SYNE2: variants seen among roughly 807,000 people sequenced by gnomAD.
SYNE2 encodes spectrin repeat containing nuclear envelope protein 2.
SYNE2 carries 431 observed loss-of-function variants against 856.3 expected under a neutral mutation model. The ratio of observed to expected loss-of-function variants is 0.50; its 90% CI spans 0.47 to 0.55. The LOEUF (loss-of-function observed/expected upper bound fraction) is 0.55, where lower values mean the gene tolerates loss of function less well. Ranked by LOEUF, SYNE2 falls within the 20% of genes least tolerant of loss-of-function variation. The pLI is 0.00. For missense variants in SYNE2, 8,129 were observed against 8,023.2 expected (o/e 1.01, Z -0.50); for synonymous variants, 2,923 against 2,872.3 (o/e 1.02, Z -0.56).
intron 34 of SYNE2, among the ~76,000 whole-genome samples, chr14:64,019,646 T>C (rs2153530970): frequency 6.6e-6 from 1 of 151,598 alleles, no homozygotes; most frequent in Admixed American, 6.6e-5. Context: ...TGTGTGTCCG[T>C]GTGTGTGTGT....
At position 64,021,972 on chromosome 14, in the gene SYNE2, A is replaced by T; in HGVS notation, c.5468A>T (p.Asp1823Val). The T allele has an allele frequency of 6.2e-7, 1 of 1,613,868 alleles. No individual in the cohort carries two copies. Among genetic ancestry groups the T allele is most frequent in the Non-Finnish European group, 8.5e-7 (1 of 1,179,864 alleles). The change falls in exon 37 of 116, where the codon GAT becomes GTT. Residue 1823 changes from aspartate (D) to valine (V), a missense_variant. Coordinates refer to ENST00000555002, the MANE Select transcript of SYNE2 (RefSeq NM_182914.3). ...ELKKQYESVS[D>V]LFNTKKSVLQ... ...AAAAAGCAATATGAAAGTGTCAGTGATTTATTTAATACCAAAAAAAGTGTT... is the reference window on the plus strand; with the variant it reads ...AAAAAGCAATATGAAAGTGTCAGTGTTTTATTTAATACCAAAAAAAGTGTT...
intron 108 of SYNE2, among the ~76,000 whole-genome samples, chr14:64,216,921 T>C (rs1049123775): frequency 1.1e-4 from 17 of 152,302 alleles, no homozygotes; most frequent in Middle Eastern, 3.4e-3. Flanking sequence ...GATGGGGGTT[T>C]CACCATGTTG....
At chr14:63,824,638 C>CA (rs34659476) in intron 1 of SYNE2, among the ~76,000 whole-genome samples, 66,869 of 129,428 alleles carry the variant, frequency 0.52, 16,271 homozygotes, top group South Asian at 0.62. Context: ...GAATCTGTCT[C>CA]AAAAAAAAAA....
rs115877145 is a variant in SYNE2 at position 63,974,520 on chromosome 14, A to G, written c.1129-2043A>G. ...AACTTAAACATGAGATTCAGAGGAGATAAACATTCAAACTGTACAGCAGTA... is the reference window on the plus strand; with the variant it reads ...AACTTAAACATGAGATTCAGAGGAGGTAAACATTCAAACTGTACAGCAGTA... On this transcript the variant is annotated intron_variant, in intron 11 of 115. Coordinates refer to ENST00000555002, the MANE Select transcript of SYNE2 (RefSeq NM_182914.3). Among the ~76,000 whole-genome samples, 1,504 of 152,180 alleles carry G rather than the reference A, an allele frequency of 9.9e-3. 29 individuals are homozygous for G. Among genetic ancestry groups the G allele is most frequent in the African/African-American group, 0.034 (1,420 of 41,512 alleles).
intron 76 of SYNE2, among the ~76,000 whole-genome samples, chr14:64,131,085 A>C (rs1305629505): frequency 6.6e-6 from 1 of 152,202 alleles, no homozygotes; most frequent in African/African-American, 2.4e-5. Context: ...TTCCTACCTG[A>C]GGTAAGCTTA....
Position 63,991,043 on chromosome 14 carries a change from A to G in SYNE2, c.2574A>G (p.Glu858=), listed in dbSNP as rs754759946. ...LKMEESQKEL[E]SYMMRAQQLL... is the part of the protein sequence containing the mutation. The stretch of plus-strand genomic sequence containing the variant: ...TGGAAGAATCCCAGAAGGAACTTGA[A>G]TCATATATGATGAGGGCTCAGCAGT... The change falls in exon 21 of 116, where the codon GAA becomes GAG. Residue 858 remains glutamate (E), a synonymous_variant. Coordinates refer to ENST00000555002, the MANE Select transcript of SYNE2 (RefSeq NM_182914.3). 6.2e-7 allele frequency: 1 copy of G among 1,614,192 alleles called. No individual in the cohort carries two copies. Among genetic ancestry groups the G allele is most frequent in the Non-Finnish European group, 8.5e-7 (1 of 1,180,022 alleles).
At chr14:64,018,503 A>G (rs371778539) in intron 34 of SYNE2, among the ~76,000 whole-genome samples, 7 of 152,324 alleles carry the variant, frequency 4.6e-5, no homozygotes, top group Admixed American at 6.5e-5. Flanking sequence ...CGGCCTCCCA[A>G]AATGCTGGGA....
intron 21 of SYNE2, among the ~76,000 whole-genome samples, chr14:63,991,397 G>T (rs1048589640): frequency 6.6e-6 from 1 of 152,010 alleles, no homozygotes; most frequent in African/African-American, 2.4e-5. Flanking sequence ...AATTTCTCTG[G>T]CTTTTTAATT....
At chr14:63,906,426 T>C (rs2095410258) in intron 1 of SYNE2, among the ~76,000 whole-genome samples, 1 of 152,178 alleles carries the variant, frequency 6.6e-6, no homozygotes, top group Admixed American at 6.5e-5. Flanking sequence ...TGTGAATCCA[T>C]CTGGTCCAGA....
intron 51 of SYNE2, among the ~76,000 whole-genome samples, chr14:64,066,724 G>A (rs953206127): frequency 6.6e-6 from 1 of 152,174 alleles, no homozygotes; most frequent in African/African-American, 2.4e-5. Context: ...GTCCATAGTG[G>A]TACCATTTAT....
intron 1 of SYNE2, among the ~76,000 whole-genome samples, chr14:63,796,413 C>T (rs953743426): frequency 2.0e-5 from 3 of 151,924 alleles, no homozygotes; most frequent in East Asian, 3.9e-4. Flanking sequence ...GACGAGATCT[C>T]GCCGCTGCAC....
intron 1 of SYNE2, among the ~76,000 whole-genome samples, chr14:63,824,666 A>T (rs926987813): frequency 1.6e-4 from 24 of 150,834 alleles, no homozygotes; most frequent in Non-Finnish European, 1.2e-4. Context: ...TAATTAAAAG[A>T]GTGTAATTGG....
Position 64,002,978 on chromosome 14 carries a change from G to A in SYNE2, c.4045G>A (p.Asp1349Asn). 1.2e-6 allele frequency: 2 copies of A among 1,614,192 alleles called. No individual in the cohort carries two copies. Among genetic ancestry groups the A allele is most frequent in the Non-Finnish European group, 1.7e-6 (2 of 1,180,030 alleles). The change falls in exon 30 of 116, where the codon GAT becomes AAT. Residue 1349 changes from aspartate (D) to asparagine (N), a missense_variant. Transcript: ENST00000555002. Reference sequence around the variant, plus strand: ...GCCCGTTACAGACCTTTCAGCCTCAGATACACAGGTGGCACAAGAAAATAC... The same window carrying A: ...GCCCGTTACAGACCTTTCAGCCTCAAATACACAGGTGGCACAAGAAAATAC... ...AEPVTDLSAS[D>N]TQVAQENTLT...
Position 64,141,993 on chromosome 14 carries a change from T to C in SYNE2, c.15211T>C (p.Trp5071Arg). ...TAAAGCAATCACAGAAATGATTAGC[T>C]GGATGAACAATGTGGAGCATCAAAC... ...SRKAITEMIS[W>R]MNNVEHQTSD... The change falls in exon 82 of 116, where the codon TGG becomes CGG. Residue 5071 changes from tryptophan to arginine, a missense_variant. By Grantham distance (101) the Trp-to-Arg change is moderately radical (BLOSUM62 -3). Transcript: ENST00000555002. 6.2e-7 allele frequency: 1 copy of C among 1,614,168 alleles called. No homozygotes were observed.
chr14:64,101,407 CTG>C (rs2097728307), intron 63 of SYNE2, among the ~76,000 whole-genome samples: 1 of 152,120 alleles, frequency 6.6e-6, no homozygotes, highest in African/African-American at 2.4e-5. Flanking sequence ...ATACTCGTGG[CTG>C]TAATTTTAAA....
chr14:64,173,855 C>T, intron 94 of SYNE2: 5 of 633,298 alleles, frequency 7.9e-6, no homozygotes, highest in Non-Finnish European at 1.4e-5. Flanking sequence ...AAAGTTTTTA[C>T]TTTATTTTTG....
chr14:64,113,631 G>C, intron 66 of SYNE2, 60 bp downstream of exon 66: 2 of 1,512,898 alleles, frequency 1.3e-6, no homozygotes, highest in Non-Finnish European at 1.8e-6. Context: ...GCCAAGATTG[G>C]GTGAATTTCT....
intron 97 of SYNE2, among the ~76,000 whole-genome samples, chr14:64,188,259 C>T (rs983062093): frequency 1.3e-5 from 2 of 152,184 alleles, no homozygotes; most frequent in Non-Finnish European, 2.9e-5. Flanking sequence ...TTTCCTGTTT[C>T]TAATTTTTAC....
At chr14:63,875,128 G>A (rs1260503613) in intron 1 of SYNE2, among the ~76,000 whole-genome samples, 1 of 151,924 alleles carries the variant, frequency 6.6e-6, no homozygotes, top group Non-Finnish European at 1.5e-5. Flanking sequence ...GGTGCACTAA[G>A]CTTTAAACCA....
Sources: gnomAD v4.1 joint callset for allele counts (sites outside exome capture counted in the v4.1 genomes callset) on GRCh38, gnomAD v4.1.1 for gene constraint, MANE v1.5 for transcripts, NCBI Gene and HGNC (gene_info 2026-07-23, HGNC 2026-07-21) for gene names.